ADCY8: variants seen among roughly 807,000 people sequenced by gnomAD.
The protein encoded by ADCY8 is adenylate cyclase 8, also known as adenylate cyclase type 8.
A neutral mutation model predicts 119.7 loss-of-function variants in ADCY8; 51 were observed. The ratio of observed to expected loss-of-function variants is 0.43; its 90% CI spans 0.34 to 0.54. ADCY8 has a LOEUF of 0.54. Ranked by LOEUF, ADCY8 falls within the 20% of genes least tolerant of loss-of-function variation. ADCY8 has a pLI of 0.03. For synonymous variants in ADCY8, 665 were observed against 651.0 expected (o/e 1.02, Z -0.33); for missense variants, 1,383 against 1,598.8 (o/e 0.87, Z 2.30).
At chr8:131,022,515 T>A (rs536973717) in intron 1 of ADCY8, among the ~76,000 whole-genome samples, 1 of 152,210 alleles carries the variant, frequency 6.6e-6, no homozygotes, top group African/African-American at 2.4e-5. Flanking sequence ...CTTTATCCAG[T>A]CTATCATTGA....
At chr8:130,967,613 A>G (rs1821799761) in intron 2 of ADCY8, among the ~76,000 whole-genome samples, 1 of 152,192 alleles carries the variant, frequency 6.6e-6, no homozygotes, top group Admixed American at 6.5e-5. Flanking sequence ...CATGGTCTGC[A>G]TTACTCTATA....
chr8:130,814,259 A>G, intron 13 of ADCY8, 32 bp from the exon 14 acceptor site: 1 of 1,611,158 alleles, frequency 6.2e-7, no homozygotes, highest in Non-Finnish European at 8.5e-7. Flanking sequence ...GAGGAGAATG[A>G]GGTAAACTTC....
chr8:130,790,070 C>T (rs763324800), intron 15 of ADCY8, among the ~76,000 whole-genome samples: 1 of 152,150 alleles, frequency 6.6e-6, no homozygotes, highest in African/African-American at 2.4e-5. Context: ...GATACAAAGT[C>T]TTTGCCTTTG....
At chr8:130,818,850 AT>A (rs1816423981) in intron 13 of ADCY8, among the ~76,000 whole-genome samples, 1 of 152,218 alleles carries the variant, frequency 6.6e-6, no homozygotes, top group Admixed American at 6.5e-5. Context: ...GAGCTTGAGC[AT>A]TTGGATTCCC....
At chr8:131,017,719 C>A (rs1331548114) in intron 1 of ADCY8, among the ~76,000 whole-genome samples, 1 of 152,088 alleles carries the variant, frequency 6.6e-6, no homozygotes, top group Non-Finnish European at 1.5e-5. Flanking sequence ...AGCCTACTAG[C>A]AATCACTGCA....
intron 1 of ADCY8, among the ~76,000 whole-genome samples, chr8:130,994,413 C>G (rs539720962): frequency 1.3e-5 from 2 of 152,352 alleles, no homozygotes; most frequent in South Asian, 4.1e-4. Flanking sequence ...GTCCTTACTT[C>G]AATTTTAGCA....
At position 130,992,413 on chromosome 8, in the gene ADCY8, A is replaced by G. The variant is rs1394026548; in HGVS notation, c.961-1871T>C. Among the ~76,000 whole-genome samples, 156 of 125,116 alleles carry G rather than the reference A, an allele frequency of 1.2e-3. 12 individuals are homozygous for G. The highest frequency in any genetic ancestry group is 2.3e-3 in the African/African-American group (68 of 29,490). 82.1% of individuals were successfully genotyped at this position (125,116 alleles called of 152,430 possible). A position where few individuals can be genotyped will look rare whatever the true frequency, so the allele number is the denominator to read the frequency against. On this transcript the variant is annotated intron_variant, in intron 1 of 17. Coordinates refer to ENST00000286355, the MANE Select transcript of ADCY8 (RefSeq NM_001115.3). ...TATATATATATATATATATATATATATATATATATATATATATTTGAGATA... is the reference window on the plus strand; with the variant it reads ...TATATATATATATATATATATATATGTATATATATATATATATTTGAGATA...
intron 12 of ADCY8, among the ~76,000 whole-genome samples, chr8:130,822,544 ATCC>A (rs1816546216): frequency 0.019 from 923 of 49,220 alleles, 8 homozygotes; most frequent in African/African-American, 0.046. Context: ...GAATCCATCC[ATCC>A]ATCCATCCAT....
chr8:130,976,532 C>T (rs911367315), intron 2 of ADCY8, among the ~76,000 whole-genome samples: 2 of 152,166 alleles, frequency 1.3e-5, no homozygotes, highest in African/African-American at 2.4e-5. Flanking sequence ...ACACCATCAT[C>T]TACATAGCGA....
At chr8:131,029,724 G>T (rs556067846) in intron 1 of ADCY8, among the ~76,000 whole-genome samples, 1 of 152,266 alleles carries the variant, frequency 6.6e-6, no homozygotes, top group South Asian at 2.1e-4. Context: ...AAACTCAGCT[G>T]CAGCTTTCTG....
At chr8:130,943,285 T>C (rs1268465918) in intron 4 of ADCY8, 66 bp downstream of exon 4, 3 of 1,179,220 alleles carry the variant, frequency 2.5e-6, no homozygotes, top group Non-Finnish European at 3.8e-6. Flanking sequence ...AATCCTTCTC[T>C]TTCCTTATTC....
intron 2 of ADCY8, among the ~76,000 whole-genome samples, chr8:130,976,048 A>T (rs1033504764): frequency 6.6e-6 from 1 of 152,194 alleles, no homozygotes; most frequent in Non-Finnish European, 1.5e-5. Flanking sequence ...TCTTTTGGAA[A>T]ACTGCAAATG....
chr8:130,795,993 C>T lies in ADCY8; in HGVS notation c.3060+4433G>A, dbSNP rs575006799. On this transcript the variant is annotated intron_variant, in intron 15 of 17. Transcript: ENST00000286355. ...TAATCAAACATATTTGGTGTTTTGG[C>T]GCCCTTCAGCTGCTAATGTTTCAGC... Among the ~76,000 whole-genome samples, 20 of 152,124 alleles carry T rather than the reference C, an allele frequency of 1.3e-4. 1 individual carries two copies. Among genetic ancestry groups the T allele is most frequent in the Admixed American group, 2.6e-4 (4 of 15,268 alleles).
chr8:130,783,243 G>A (rs873666), intron 17 of ADCY8, among the ~76,000 whole-genome samples: 92,621 of 152,044 alleles, frequency 0.61, 29,032 homozygotes, highest in African/African-American at 0.72. Context: ...GTCCCTGGAA[G>A]TATAGTATCT....
chr8:130,813,349 A>G (rs1816232151), intron 14 of ADCY8, among the ~76,000 whole-genome samples: 1 of 152,174 alleles, frequency 6.6e-6, no homozygotes, highest in South Asian at 2.1e-4. Flanking sequence ...TGATCTTGCA[A>G]AACTGAAATT....
In ADCY8 at chr8:131,039,384, G is replaced by A; in HGVS notation, c.950C>T (p.Ser317Phe). Reference protein sequence around the residue: ...QVVIPRLAVISINQVVAQAVL... With the variant: ...QVVIPRLAVIFINQVVAQAVL... ...GCAGGCAGGAGTTACCTGGTTGATG[G>A]AAATGACCGCCAGCCGGGGTATGAC... The change falls in exon 1 of 18, where the codon TCC becomes TTC. Residue 317 changes from serine to phenylalanine, a missense_variant. Transcript: ENST00000286355. 1.9e-6 allele frequency: 3 copies of A among 1,612,678 alleles called. No homozygotes were observed. In the South Asian group the frequency reaches 3.3e-5, roughly 18 times the overall value.
intron 9 of ADCY8, among the ~76,000 whole-genome samples, chr8:130,857,274 A>T (rs1817773333): frequency 6.6e-6 from 1 of 152,110 alleles, no homozygotes; most frequent in Non-Finnish European, 1.5e-5. Flanking sequence ...ACAAAAGCCC[A>T]TCCATGAGCC....
chr8:130,871,417 CTA>C (rs1818350314), intron 8 of ADCY8, among the ~76,000 whole-genome samples: 1 of 152,084 alleles, frequency 6.6e-6, no homozygotes, highest in South Asian at 2.1e-4. Flanking sequence ...TTTAAGCTTT[CTA>C]TGTCTCAGTT....
chr8:130,866,896 A>G (rs551708416), intron 9 of ADCY8, among the ~76,000 whole-genome samples: 13 of 152,170 alleles, frequency 8.5e-5, no homozygotes, highest in Non-Finnish European at 1.5e-4. Context: ...AGTGCTCAGT[A>G]ACTGGGAGCC....
Sources: allele counts gnomAD v4.1 joint callset (sites outside exome capture counted in the v4.1 genomes callset), GRCh38; gene constraint gnomAD v4.1.1; transcripts MANE v1.5; gene names NCBI Gene and HGNC (gene_info 2026-07-23, HGNC 2026-07-21).